Variants in KCNAB1 observed in about 807,000 individuals in gnomAD.
KCNAB1 encodes the protein potassium voltage-gated channel subfamily A regulatory beta subunit 1, also known as voltage-gated potassium channel subunit beta-1.
KCNAB1 carries 35 observed loss-of-function variants against 64.6 expected under a neutral mutation model. The ratio of observed to expected loss-of-function variants is 0.54; its 90% confidence interval spans 0.41 to 0.72. The LOEUF (loss-of-function observed/expected upper bound fraction) is 0.72, where lower values mean the gene tolerates loss of function less well. KCNAB1 is among the 30% of genes least tolerant of loss of function. The pLI is 0.00. For synonymous variants in KCNAB1, 177 were observed against 183.8 expected (o/e 0.96, Z 0.30); for missense variants, 401 against 512.9 (o/e 0.78, Z 2.11).
Position 156,482,503 on chromosome 3 carries a change from G to T in KCNAB1, c.658+7683G>T, listed in dbSNP as rs111641584. ...TCATGGGAGGGGGCTAGGAAGTTAT[G>T]GGGGTAGATTTTAGTTAGGATGACC... is the stretch of plus-strand genomic sequence containing the variant. On this transcript the variant is annotated intron_variant, in intron 8 of 13. Transcript: ENST00000490337. Among the ~76,000 whole-genome samples the T allele has an allele frequency of 2.0e-3, 302 of 151,440 alleles. 1 individual carries two copies. The highest frequency in any genetic ancestry group is 6.9e-3 in the African/African-American group (285 of 41,236).
rs192013862 is a variant in KCNAB1, at chr3:156,194,842, C to T, written c.275+73956C>T. Among the ~76,000 whole-genome samples, 983 of 152,070 alleles carry T rather than the reference C, an allele frequency of 6.5e-3. 10 individuals carry two copies. Among genetic ancestry groups the T allele is most frequent in the Non-Finnish European group, 9.6e-3 (651 of 67,958 alleles). ...GTGCAGGTTTGTTACATAGGTATAC[C>T]AGTGCCATGGTGGTTTGTTGCACCC... On this transcript the variant is annotated intron_variant, in intron 1 of 13. Coordinates refer to ENST00000490337, the MANE Select transcript of KCNAB1 (RefSeq NM_172160.3).
chr3:156,477,443 C>A (rs1290595494), intron 8 of KCNAB1, among the ~76,000 whole-genome samples: 1 of 152,080 alleles, frequency 6.6e-6, no homozygotes, highest in African/African-American at 2.4e-5. Flanking sequence ...AGCAATCAAC[C>A]ACCTCATGCT....
At chr3:156,344,688 CG>C (rs546050977) in intron 1 of KCNAB1, among the ~76,000 whole-genome samples, 24 of 151,814 alleles carry the variant, frequency 1.6e-4, no homozygotes, top group Non-Finnish European at 2.5e-4. Flanking sequence ...CAACATGGTC[CG>C]AGAATTACAT....
At chr3:156,420,207 G>A (rs774812729) in intron 1 of KCNAB1, among the ~76,000 whole-genome samples, 4 of 152,174 alleles carry the variant, frequency 2.6e-5, no homozygotes, top group Non-Finnish European at 5.9e-5. Context: ...ACATTCTCAC[G>A]ATCTGGCCCT....
At chr3:156,228,621 A>T (rs915633489) in intron 1 of KCNAB1, among the ~76,000 whole-genome samples, 1 of 152,126 alleles carries the variant, frequency 6.6e-6, no homozygotes, top group African/African-American at 2.4e-5. Flanking sequence ...TCTCCTTCTC[A>T]TGTTGCCTTC....
intron 2 of KCNAB1, among the ~76,000 whole-genome samples, chr3:156,427,836 C>T (rs1406504280): frequency 6.6e-6 from 1 of 152,176 alleles, no homozygotes; most frequent in Non-Finnish European, 1.5e-5. Context: ...AGGGCTCTTG[C>T]TTCTACAGTT....
At chr3:156,331,790 A>G (rs1296696650) in intron 1 of KCNAB1, among the ~76,000 whole-genome samples, 3 of 152,140 alleles carry the variant, frequency 2.0e-5, no homozygotes, top group Non-Finnish European at 4.4e-5. Context: ...TGAAATCCAG[A>G]CACCTGGAAG....
At chr3:156,138,361 G>T (rs1474448817) in intron 1 of KCNAB1, among the ~76,000 whole-genome samples, 1 of 152,178 alleles carries the variant, frequency 6.6e-6, no homozygotes. Flanking sequence ...GGTGTCCCTT[G>T]TCCAAATTGA....
At chr3:156,172,168 A>G (rs1269895847) in intron 1 of KCNAB1, among the ~76,000 whole-genome samples, 5 of 152,230 alleles carry the variant, frequency 3.3e-5, no homozygotes, top group Admixed American at 2.6e-4. Flanking sequence ...TAAACCACAT[A>G]CTATGAGCAA....
At chr3:156,316,446 A>T (rs1222404220) in intron 1 of KCNAB1, among the ~76,000 whole-genome samples, 1 of 152,264 alleles carries the variant, frequency 6.6e-6, no homozygotes, top group Non-Finnish European at 1.5e-5. Context: ...GCAATCTTGG[A>T]TGTGTCCCAT....
rs372761008 is a variant in KCNAB1, at chr3:156,168,686, C to T, written c.275+47800C>T. Among the ~76,000 whole-genome samples the T allele has an allele frequency of 2.3e-4, 35 of 152,268 alleles. No homozygotes were observed. In the South Asian group the frequency reaches 6.8e-3, roughly 30 times the overall value. On this transcript the variant is annotated intron_variant, in intron 1 of 13. Transcript: ENST00000490337. ...GTATATTTGCTTTTTGTAACATCAA[C>T]GTGCACATGAAGCTAGTGATGCTGT...
chr3:156,174,479 C>A (rs1712217431), intron 1 of KCNAB1, among the ~76,000 whole-genome samples: 1 of 152,176 alleles, frequency 6.6e-6, no homozygotes, highest in Middle Eastern at 3.2e-3. Flanking sequence ...CTACAGTATT[C>A]AGCAAAATAA....
chr3:156,523,877 GC>G lies in KCNAB1; in HGVS notation c.1012del (p.Gln338LysfsTer4). 1 of 1,613,794 alleles carries G rather than the reference GC, an allele frequency of 6.2e-7. No individual in the cohort carries two copies. The highest frequency in any genetic ancestry group is 8.5e-7 in the Non-Finnish European group (1 of 1,179,746). On this transcript the variant is annotated frameshift_variant, in exon 12 of 14. Coordinates refer to ENST00000490337, the MANE Select transcript of KCNAB1 (RefSeq NM_172160.3). LOFTEE classifies it high-confidence loss of function. The part of the protein sequence containing the change: ...RIVSEEGRKQ[Q>X]NKLKDLSPIA... ...TTGTAAGTGAAGAAGGGAGAAAACAGCAAAACAAGCTAAAAGACCTTTCCCC... is the reference window on the plus strand; with the variant it reads ...TTGTAAGTGAAGAAGGGAGAAAACAGAAAACAAGCTAAAAGACCTTTCCCC...
chr3:156,231,827 C>A (rs951996237), intron 1 of KCNAB1, among the ~76,000 whole-genome samples: 1 of 152,012 alleles, frequency 6.6e-6, no homozygotes, highest in Non-Finnish European at 1.5e-5. Flanking sequence ...GTTGTCCTGC[C>A]TTTCTGAAAC....
At chr3:156,514,879 TAACTC>T (rs148086614) in intron 9 of KCNAB1, among the ~76,000 whole-genome samples, 2,245 of 152,354 alleles carry the variant, frequency 0.015, 57 homozygotes, top group African/African-American at 0.052. Flanking sequence ...GCTCTGGACT[TAACTC>T]AATCCAAACC....
intron 8 of KCNAB1, among the ~76,000 whole-genome samples, chr3:156,479,961 A>G (rs1425023158): frequency 1.3e-5 from 2 of 152,308 alleles, no homozygotes; most frequent in South Asian, 2.1e-4. Flanking sequence ...GCAGGCATCT[A>G]TGGATATTCA....
chr3:156,363,303 T>G (rs965908598), intron 1 of KCNAB1, among the ~76,000 whole-genome samples: 2 of 152,246 alleles, frequency 1.3e-5, no homozygotes, highest in Non-Finnish European at 1.5e-5. Flanking sequence ...ATTTATTCAT[T>G]TGTTTTTGCT....
intron 8 of KCNAB1, among the ~76,000 whole-genome samples, chr3:156,502,402 G>A (rs1480763313): frequency 6.6e-6 from 1 of 151,802 alleles, no homozygotes. Flanking sequence ...ATAAAACATT[G>A]ATATTTGACA....
intron 1 of KCNAB1, among the ~76,000 whole-genome samples, chr3:156,263,488 T>C (rs908582601): frequency 1.3e-5 from 2 of 152,078 alleles, no homozygotes; most frequent in African/African-American, 4.8e-5. Context: ...TTGAAGAATA[T>C]ATTTTTATAG....
Sources: gnomAD v4.1 joint callset for allele counts (sites outside exome capture counted in the v4.1 genomes callset) on GRCh38, gnomAD v4.1.1 for gene constraint, MANE v1.5 for transcripts, NCBI Gene and HGNC (gene_info 2026-07-23, HGNC 2026-07-21) for gene names.